FRAS1: variants seen among roughly 807,000 people sequenced by gnomAD.
The protein encoded by FRAS1 is extracellular matrix organizing protein FRAS1.
A neutral mutation model predicts 435.2 loss-of-function variants in FRAS1; 290 were observed. That is an observed-to-expected ratio of 0.67 (90% CI 0.61 to 0.73). The LOEUF (loss-of-function observed/expected upper bound fraction) is 0.73, where lower values mean the gene tolerates loss of function less well. Among genes scored for constraint, FRAS1 ranks in the 30% least tolerant of loss-of-function variants. The pLI, the probability that FRAS1 is intolerant of heterozygous loss-of-function variation, is 0.00. For missense variants in FRAS1, 4,860 were observed against 5,001.5 expected (o/e 0.97, Z 0.85); for synonymous variants, 1,800 against 1,851.0 (o/e 0.97, Z 0.71).
intron 2 of FRAS1, among the ~76,000 whole-genome samples, chr4:78,229,840 A>G (rs989159715): frequency 6.6e-6 from 1 of 152,086 alleles, no homozygotes; most frequent in African/African-American, 2.4e-5. Flanking sequence ...CAGAGTCATG[A>G]TGTCAGTTTC....
chr4:78,469,163 AAAATG>A (rs1242261134), intron 50 of FRAS1, among the ~76,000 whole-genome samples: 4 of 152,246 alleles, frequency 2.6e-5, no homozygotes, highest in African/African-American at 7.2e-5. Flanking sequence ...TCTTATAAAC[AAAATG>A]TTACAACAGG....
At chr4:78,512,532 A>G (rs1173545481) in intron 64 of FRAS1, among the ~76,000 whole-genome samples, 2 of 152,322 alleles carry the variant, frequency 1.3e-5, no homozygotes, top group Admixed American at 6.5e-5. Flanking sequence ...AATGCAACCC[A>G]TAAGTACTAT....
intron 2 of FRAS1, among the ~76,000 whole-genome samples, chr4:78,115,297 T>TG (rs1365169180): frequency 7.0e-4 from 107 of 152,236 alleles, no homozygotes; most frequent in African/African-American, 2.5e-3. Flanking sequence ...TCTATTTTTT[T>TG]GTTGTGTCTC....
At chr4:78,311,851 A>G (rs1729038272) in intron 15 of FRAS1, among the ~76,000 whole-genome samples, 1 of 152,124 alleles carries the variant, frequency 6.6e-6, no homozygotes, top group African/African-American at 2.4e-5. Context: ...GAAGTTTCCT[A>G]TTCTATAGAT....
chr4:78,493,033 G>A (rs59373877), intron 59 of FRAS1, among the ~76,000 whole-genome samples: 30,392 of 152,222 alleles, frequency 0.2, 3,309 homozygotes, highest in African/African-American at 0.26. Flanking sequence ...CATTTATGCA[G>A]CCAACAAACA....
At chr4:78,231,526 ATTCT>A (rs1272907386) in intron 2 of FRAS1, among the ~76,000 whole-genome samples, 3 of 151,944 alleles carry the variant, frequency 2.0e-5, no homozygotes, top group African/African-American at 4.8e-5. Flanking sequence ...GGGGAGCTTT[ATTCT>A]TTCTTTCTCA....
At chr4:78,064,217 A>G (rs1739886512) in intron 1 of FRAS1, among the ~76,000 whole-genome samples, 1 of 150,792 alleles carries the variant, frequency 6.6e-6, no homozygotes, top group South Asian at 2.1e-4. Context: ...AAATAAATAA[A>G]TAAATAAAAT....
intron 14 of FRAS1, among the ~76,000 whole-genome samples, chr4:78,305,031 G>A (rs7696422): frequency 0.28 from 41,889 of 151,772 alleles, 6,442 homozygotes; most frequent in Admixed American, 0.35. Flanking sequence ...ACACTGCTTT[G>A]AATGTGTCCC....
At chr4:78,416,687 G>A (rs765824971) in intron 32 of FRAS1, among the ~76,000 whole-genome samples, 2 of 152,264 alleles carry the variant, frequency 1.3e-5, no homozygotes, top group South Asian at 4.2e-4. Flanking sequence ...GGCAGGTCAC[G>A]CAGCATTTCA....
intron 53 of FRAS1, 32 bp downstream of exon 53, chr4:78,473,629 AAATC>A: frequency 6.5e-7 from 1 of 1,531,594 alleles, no homozygotes; most frequent in African/African-American, 1.4e-5. Context: ...CCTTCTTGAG[AAATC>A]AATCAGGCAA....
intron 50 of FRAS1, among the ~76,000 whole-genome samples, chr4:78,468,679 C>T (rs1474423105): frequency 6.6e-6 from 1 of 152,188 alleles, no homozygotes; most frequent in Non-Finnish European, 1.5e-5. Flanking sequence ...TTTACTCATC[C>T]CTTTGTTTGT....
intron 15 of FRAS1, among the ~76,000 whole-genome samples, chr4:78,313,672 C>A (rs1455842090): frequency 6.6e-6 from 1 of 152,090 alleles, no homozygotes; most frequent in Non-Finnish European, 1.5e-5. Flanking sequence ...GAATATGCAT[C>A]CCTCTTTTCT....
At chr4:78,115,539 C>T (rs909018209) in intron 2 of FRAS1, among the ~76,000 whole-genome samples, 7 of 152,150 alleles carry the variant, frequency 4.6e-5, no homozygotes, top group Admixed American at 6.5e-5. Flanking sequence ...GATTCAACTT[C>T]TTCCTGGTTT....
At position 78,506,885 on chromosome 4, in the gene FRAS1, C is replaced by T. The variant is rs1012540784; in HGVS notation, c.9317-536C>T. 3.3e-5 allele frequency among the ~76,000 whole-genome samples: 5 copies of T among 152,150 alleles called. No homozygotes were observed. In the South Asian group the frequency reaches 1.0e-3, roughly 32 times the overall value. On this transcript the variant is annotated intron_variant, in intron 61 of 73. Coordinates refer to ENST00000512123, the MANE Select transcript of FRAS1 (RefSeq NM_025074.7). Reference sequence around the variant, plus strand: ...CTGTTCCTATTCGGCCATCTTGGAACGGTACCCAAAGTGGGTCTTGAAGGC... The same window carrying T: ...CTGTTCCTATTCGGCCATCTTGGAATGGTACCCAAAGTGGGTCTTGAAGGC...
At chr4:78,241,686 C>T (rs1441492510) in intron 3 of FRAS1, among the ~76,000 whole-genome samples, 2 of 151,970 alleles carry the variant, frequency 1.3e-5, no homozygotes, top group Non-Finnish European at 2.9e-5. Context: ...AAGAAGTGCT[C>T]AAGGATCTCC....
At chr4:78,340,534 T>C (rs1424443603) in intron 20 of FRAS1, among the ~76,000 whole-genome samples, 1 of 152,224 alleles carries the variant, frequency 6.6e-6, no homozygotes, top group Non-Finnish European at 1.5e-5. Flanking sequence ...CTTTGCTCTG[T>C]GCCAGGCATT....
chr4:78,285,611 T>C (rs1356841802), intron 13 of FRAS1, among the ~76,000 whole-genome samples: 1 of 151,832 alleles, frequency 6.6e-6, no homozygotes, highest in East Asian at 2.0e-4. Context: ...TTCATATTTT[T>C]AGTAGAGATA....
chr4:78,142,266 T>C (rs573434948), intron 2 of FRAS1, among the ~76,000 whole-genome samples: 60 of 152,154 alleles, frequency 3.9e-4, no homozygotes, highest in African/African-American at 1.4e-3. Flanking sequence ...AGACTGAAGC[T>C]GAGCTATCAG....
intron 19 of FRAS1, 105 bp from the exon 20 acceptor site, chr4:78,337,569 G>C: frequency 7.7e-7 from 1 of 1,302,908 alleles, no homozygotes; most frequent in Non-Finnish European, 1.1e-6. Flanking sequence ...AAGATGATTA[G>C]AGTTGGAGGT....
Sources: gnomAD v4.1 joint callset for allele counts (sites outside exome capture counted in the v4.1 genomes callset) on GRCh38, gnomAD v4.1.1 for gene constraint, MANE v1.5 for transcripts, NCBI Gene and HGNC (gene_info 2026-07-23, HGNC 2026-07-21) for gene names.